The following PLEKHA1 variants were observed in gnomAD, a reference collection of about 807,000 sequenced individuals.
PLEKHA1 encodes pleckstrin homology domain-containing family A member 1.
PLEKHA1 carries 34 observed loss-of-function variants against 52.0 expected under a neutral mutation model. The ratio of observed to expected loss-of-function variants is 0.65; its 90% CI spans 0.50 to 0.87. The LOEUF (loss-of-function observed/expected upper bound fraction) is 0.87, where lower values mean the gene tolerates loss of function less well. Among genes scored for constraint, PLEKHA1 ranks in the 40% least tolerant of loss-of-function variants. The probability of loss-of-function intolerance (pLI) is 0.00; values close to 1 mark genes in which losing one functional copy is unlikely to be tolerated. For missense variants in PLEKHA1, 497 were observed against 504.2 expected (o/e 0.99, Z 0.14); for synonymous variants, 163 against 170.7 (o/e 0.95, Z 0.35).
At chr10:122,376,517 T>G (rs1353422813) in intron 1 of PLEKHA1, among the ~76,000 whole-genome samples, 2 of 43,254 alleles carry the variant, frequency 4.6e-5, no homozygotes, top group Non-Finnish European at 1.1e-4. Flanking sequence ...TATATATATA[T>G]ATATATATAT....
At chr10:122,402,808 C>T (rs897058438) in intron 4 of PLEKHA1, among the ~76,000 whole-genome samples, 6 of 152,062 alleles carry the variant, frequency 3.9e-5, no homozygotes, top group Admixed American at 2.6e-4. Flanking sequence ...TCCCAGAGAA[C>T]GAAAGGAATG....
intron 2 of PLEKHA1, among the ~76,000 whole-genome samples, chr10:122,397,144 A>G (rs1310575731): frequency 6.6e-6 from 1 of 151,822 alleles, no homozygotes. Context: ...TGCATCTTCC[A>G]TTGTTTGCTA....
chr10:122,419,297 G>C (rs1351246307), intron 8 of PLEKHA1: 1 of 152,098 alleles, frequency 6.6e-6, no homozygotes, highest in Non-Finnish European at 1.5e-5. Flanking sequence ...ATGATCACAG[G>C]GCCTGGCACT....
At chr10:122,382,119 T>A (rs911828533) in intron 1 of PLEKHA1, among the ~76,000 whole-genome samples, 2 of 152,234 alleles carry the variant, frequency 1.3e-5, no homozygotes, top group African/African-American at 4.8e-5. Context: ...CGTTTCTTTT[T>A]TTAGAAAAAG....
At chr10:122,412,153 C>T (rs1210015611) in intron 5 of PLEKHA1, 2 of 152,120 alleles carry the variant, frequency 1.3e-5, no homozygotes, top group African/African-American at 4.8e-5. Context: ...ATTCTTTCAT[C>T]CACTTTAGTG....
chr10:122,381,814 G>A (rs2096618869), intron 1 of PLEKHA1, among the ~76,000 whole-genome samples: 2 of 152,192 alleles, frequency 1.3e-5, no homozygotes, highest in Non-Finnish European at 2.9e-5. Context: ...GATTCTGAGG[G>A]GAATATCTGG....
intron 2 of PLEKHA1, among the ~76,000 whole-genome samples, chr10:122,394,823 A>T (rs117319301): frequency 2.6e-3 from 397 of 152,196 alleles, no homozygotes; most frequent in Non-Finnish European, 3.8e-3. Context: ...GTTTCTCCTG[A>T]ATTTTACTTG....
chr10:122,376,501 GATATATATAT>G (rs56781870), intron 1 of PLEKHA1, among the ~76,000 whole-genome samples: 25,063 of 146,712 alleles, frequency 0.17, 2,503 homozygotes, highest in African/African-American at 0.27. Context: ...ACATTAAGAA[GATATATATAT>G]ATATATATAT....
chr10:122,412,032 T>C (rs768943049), intron 5 of PLEKHA1: 9 of 152,208 alleles, frequency 5.9e-5, no homozygotes, highest in Non-Finnish European at 1.3e-4. Context: ...AAATACAGAC[T>C]ATGTGCTAAA....
rs2097399946 is a variant in PLEKHA1 at position 122,429,750 on chromosome 10, G to A, written c.1027G>A (p.Gly343Arg). The A allele has an allele frequency of 6.2e-7, 1 of 1,614,004 alleles. No homozygotes were observed. Among genetic ancestry groups the A allele is most frequent in the Non-Finnish European group, 8.5e-7 (1 of 1,180,034 alleles). Residue 343 changes from glycine (G) to arginine (R), a missense_variant, in exon 12 of 12, where the codon GGA becomes AGA. Gly to Arg is a moderately radical substitution (Grantham distance 125). Transcript: ENST00000368990. ...CTCAACCTTTACCATGGAGAAGCGA[G>A]GATTTTACGAGTCTCTTGCCAAGGT... The part of the protein sequence containing the change: ...LVSTFTMEKR[G>R]FYESLAKVKP...
chr10:122,429,816 G>C lies in PLEKHA1; in HGVS notation c.1093G>C (p.Glu365Gln), dbSNP rs770251129. 6.2e-7 allele frequency: 1 copy of C among 1,614,170 alleles called. No individual in the cohort carries two copies. Among genetic ancestry groups the C allele is most frequent in the South Asian group, 1.1e-5 (1 of 91,080 alleles). Residue 365 changes from glutamate (E) to glutamine (Q), a missense_variant, in exon 12 of 12, where the codon GAA (glutamate) becomes CAA (glutamine). Physicochemically the swap from Glu to Gln is conservative, Grantham distance 29. Transcript: ENST00000368990. ...CAAGGTCCAGACTGTCTCTCCAAGA[G>C]AACCAGCTTCCAAAGTGACTGAACA... ...NFKVQTVSPR[E>Q]PASKVTEQAL... is the part of the protein sequence containing the mutation.
In PLEKHA1 at chr10:122,415,902, A is replaced by G. The variant is rs2097168175; in HGVS notation, c.512A>G (p.Asn171Ser). 2 of 1,613,116 alleles carry G rather than the reference A, an allele frequency of 1.2e-6. No homozygotes were observed. The highest frequency in any genetic ancestry group is 1.1e-5 in the South Asian group (1 of 91,044). ...TGTGGTGAAAGTATTGACAGAAATAATCTGAAACGGTCACAAAGCCATCTT... is the reference window on the plus strand; with the variant it reads ...TGTGGTGAAAGTATTGACAGAAATAGTCTGAAACGGTCACAAAGCCATCTT... ...NECGESIDRN[N>S]LKRSQSHLPY... The change falls in exon 7 of 12, where the codon AAT becomes AGT. Residue 171 changes from asparagine to serine, a missense_variant. By Grantham distance (46) the Asn-to-Ser change is conservative. Transcript: ENST00000368990.
chr10:122,403,306 AAACAGAG>A (rs1312169431), intron 4 of PLEKHA1, among the ~76,000 whole-genome samples: 1 of 152,204 alleles, frequency 6.6e-6, no homozygotes, highest in Non-Finnish European at 1.5e-5. Flanking sequence ...AGAATAGAGA[AAACAGAG>A]TGGGGAAAAT....
chr10:122,374,738 G>C lies in PLEKHA1; in HGVS notation c.-89G>C, dbSNP rs1210796702. The C allele has an allele frequency of 6.6e-6, 1 of 151,774 alleles. No homozygotes were observed. Among genetic ancestry groups the C allele is most frequent in the Non-Finnish European group, 1.5e-5 (1 of 67,946 alleles). 9.4% of individuals were successfully genotyped at this position (151,774 alleles called of 1,614,324 possible). A position where few individuals can be genotyped will look rare whatever the true frequency, so the allele number is the denominator to read the frequency against. ...GCGCGGGCTGGCCGTCGCGGACGCCGCTCCGGGCAGCCGAGCCTCTGTGGG... is the reference window on the plus strand; with the variant it reads ...GCGCGGGCTGGCCGTCGCGGACGCCCCTCCGGGCAGCCGAGCCTCTGTGGG... On this transcript the variant is annotated 5_prime_UTR_variant, in exon 1 of 12. Transcript: ENST00000368990.
At chr10:122,441,074 G>T in the PLEKHA1 span, 2 of 152,182 alleles carry the variant, frequency 1.3e-5, no homozygotes, top group African/African-American at 2.4e-5. Context: ...TGCTAGAAGT[G>T]CAAATTATTG....
chr10:122,424,173 T>TTC (rs5788554), intron 8 of PLEKHA1, 26 bp from the exon 9 acceptor site: 275,330 of 961,374 alleles, frequency 0.29, 7,898 homozygotes, highest in Admixed American at 0.33. Flanking sequence ...ATGTAACTGT[T>TTC]TTTTTTTTTT....
chr10:122,381,924 G>A (rs146655841), intron 1 of PLEKHA1, among the ~76,000 whole-genome samples: 1 of 152,240 alleles, frequency 6.6e-6, no homozygotes, highest in African/African-American at 2.4e-5. Context: ...TTCAAGGCTG[G>A]AGATAACAGT....
chr10:122,376,096 G>T (rs1169962984), intron 1 of PLEKHA1, among the ~76,000 whole-genome samples: 1 of 152,148 alleles, frequency 6.6e-6, no homozygotes, highest in African/African-American at 2.4e-5. Flanking sequence ...TTACAGCAAA[G>T]TTTGGGTAAG....
At position 122,415,811 on chromosome 10, in the gene PLEKHA1, T is replaced by C. The variant is rs779914382; in HGVS notation, c.469-48T>C. 2.6e-5 allele frequency: 40 copies of C among 1,524,154 alleles called. No homozygotes were observed. The Admixed American group carries it at 7.2e-4, about 27-fold the overall frequency. The allele number at this position is 1,524,154 out of a possible 1,614,324, so 94.4% of individuals were successfully genotyped here. A position where few individuals can be genotyped will look rare whatever the true frequency, so the allele number is the denominator to read the frequency against. ...CTACTGGGATAATATGAAATAAAAG[T>C]ATGCTAAACAAGCAAGAAAATAATT... On this transcript the variant is annotated intron_variant, in intron 6 of 11. Transcript: ENST00000368990.
Sources: allele counts gnomAD v4.1 joint callset (sites outside exome capture counted in the v4.1 genomes callset), GRCh38; gene constraint gnomAD v4.1.1; transcripts MANE v1.5; gene names NCBI Gene and HGNC (gene_info 2026-07-23, HGNC 2026-07-21).